Variants in SKAP2 observed in about 807,000 individuals in gnomAD.
The protein encoded by SKAP2 is src kinase associated phosphoprotein 2.
SKAP2 carries 28 observed loss-of-function variants against 54.9 expected under a neutral mutation model. That is an observed-to-expected ratio of 0.51 (90% CI 0.38 to 0.70). The LOEUF (loss-of-function observed/expected upper bound fraction) is 0.70. Among genes scored for constraint, SKAP2 ranks in the 30% least tolerant of loss-of-function variants. The pLI, the probability that SKAP2 is intolerant of heterozygous loss-of-function variation, is 0.00. For synonymous variants in SKAP2, 137 were observed against 134.3 expected (o/e 1.02, Z -0.14); for missense variants, 356 against 424.1 (o/e 0.84, Z 1.41).
chr7:26,802,710 G>A lies in SKAP2; in HGVS notation c.307+41320C>T, dbSNP rs182888886. ...ATCCTGGCCAACATGGTGAAACCCA[G>A]TCTCTACTAAAAATACAAAAATTAG... On this transcript the variant is annotated intron_variant, in intron 4 of 12. Coordinates refer to ENST00000345317, the MANE Select transcript of SKAP2 (RefSeq NM_003930.5). Among the ~76,000 whole-genome samples, 303 of 152,030 alleles carry A rather than the reference G, an allele frequency of 2.0e-3. 2 individuals are homozygous for A. Among genetic ancestry groups the A allele is most frequent in the African/African-American group, 7.0e-3 (292 of 41,516 alleles).
chr7:26,683,372 C>A (rs1271414859), intron 11 of SKAP2, among the ~76,000 whole-genome samples: 1 of 152,122 alleles, frequency 6.6e-6, no homozygotes, highest in East Asian at 1.9e-4. Context: ...CTGGGAACAA[C>A]AGTAACAAAA....
At chr7:26,789,646 T>C (rs1454805792) in intron 4 of SKAP2, among the ~76,000 whole-genome samples, 6 of 152,224 alleles carry the variant, frequency 3.9e-5, no homozygotes, top group Admixed American at 6.5e-5. Context: ...TTGGTCATCA[T>C]AGGCCGCCAA....
intron 9 of SKAP2, among the ~76,000 whole-genome samples, chr7:26,720,386 TAAAG>T (rs1365889208): frequency 6.6e-6 from 1 of 152,106 alleles, no homozygotes; most frequent in Non-Finnish European, 1.5e-5. Flanking sequence ...TGAAACAACA[TAAAG>T]AATACTATGA....
At chr7:26,787,776 C>A (rs879153638) in intron 4 of SKAP2, among the ~76,000 whole-genome samples, 1 of 152,192 alleles carries the variant, frequency 6.6e-6, no homozygotes, top group African/African-American at 2.4e-5. Flanking sequence ...ATTGCAGGGA[C>A]AGCACCAAGC....
intron 6 of SKAP2, among the ~76,000 whole-genome samples, 173 bp from the exon 7 acceptor site, chr7:26,727,179 A>T (rs145637587): frequency 6.6e-6 from 1 of 152,232 alleles, no homozygotes; most frequent in East Asian, 1.9e-4. Flanking sequence ...TGAAACATGG[A>T]AGTATTAGGG....
At chr7:26,790,647 G>T (rs2127981423) in intron 4 of SKAP2, among the ~76,000 whole-genome samples, 1 of 152,252 alleles carries the variant, frequency 6.6e-6, no homozygotes, top group Non-Finnish European at 1.5e-5. Flanking sequence ...TTTCATACTT[G>T]CTTTTGAAAC....
chr7:26,765,754 G>T (rs1357827928), intron 4 of SKAP2, among the ~76,000 whole-genome samples: 1 of 152,120 alleles, frequency 6.6e-6, no homozygotes, highest in Non-Finnish European at 1.5e-5. Flanking sequence ...GTTTTTGTCA[G>T]GTTTGTCAAA....
intron 4 of SKAP2, among the ~76,000 whole-genome samples, chr7:26,830,999 T>C (rs1438450744): frequency 2.6e-5 from 4 of 152,190 alleles, no homozygotes; most frequent in African/African-American, 9.6e-5. Flanking sequence ...AGTTCTTGAA[T>C]GAGAATTATG....
chr7:26,708,583 TA>T (rs1382147206), intron 9 of SKAP2, among the ~76,000 whole-genome samples: 1 of 152,164 alleles, frequency 6.6e-6, no homozygotes, highest in African/African-American at 2.4e-5. Context: ...TCCCCAACCT[TA>T]ATCCTTTTAC....
chr7:26,807,721 A>C (rs1047454882), intron 4 of SKAP2, among the ~76,000 whole-genome samples: 9 of 152,268 alleles, frequency 5.9e-5, no homozygotes, highest in African/African-American at 1.7e-4. Context: ...CAATGTGGCA[A>C]AACTCACTGT....
intron 4 of SKAP2, among the ~76,000 whole-genome samples, chr7:26,806,967 A>C (rs888889760): frequency 2.0e-5 from 3 of 152,226 alleles, no homozygotes; most frequent in African/African-American, 7.2e-5. Flanking sequence ...GAGGTTCAGG[A>C]CTTCAGTGGA....
At chr7:26,692,185 G>A (rs1035161749) in intron 9 of SKAP2, among the ~76,000 whole-genome samples, 1 of 140,270 alleles carries the variant, frequency 7.1e-6, no homozygotes, top group African/African-American at 3.0e-5. Flanking sequence ...CCTGAATGTG[G>A]AGGAATGAGG....
intron 9 of SKAP2, among the ~76,000 whole-genome samples, chr7:26,691,162 C>T (rs1786771619): frequency 6.6e-6 from 1 of 152,104 alleles, no homozygotes; most frequent in African/African-American, 2.4e-5. Context: ...TGTTCTTTAT[C>T]CTACATATAA....
the SKAP2 span, among the ~76,000 whole-genome samples, chr7:26,658,848 A>G: frequency 5.5e-5 from 8 of 145,370 alleles, no homozygotes; most frequent in African/African-American, 1.7e-4. Context: ...ACCAACTCCA[A>G]GTAGGAACAG....
chr7:26,834,811 C>G (rs181662960), intron 4 of SKAP2, among the ~76,000 whole-genome samples: 96 of 152,134 alleles, frequency 6.3e-4, no homozygotes, highest in African/African-American at 2.2e-3. Context: ...TTCCAAACAA[C>G]AGAAAAAGAG....
intron 4 of SKAP2, among the ~76,000 whole-genome samples, chr7:26,822,744 G>A (rs954314385): frequency 9.2e-5 from 14 of 151,942 alleles, no homozygotes; most frequent in East Asian, 5.8e-4. Flanking sequence ...TTAGCCAGGC[G>A]TGGTGGCGGG....
At chr7:26,704,703 C>G (rs1297887835) in intron 9 of SKAP2, among the ~76,000 whole-genome samples, 1 of 152,128 alleles carries the variant, frequency 6.6e-6, no homozygotes, top group Non-Finnish European at 1.5e-5. Context: ...CCAAAAGAAG[C>G]AAGGTAGAAC....
intron 1 of SKAP2, 28 bp downstream of exon 1, chr7:26,864,334 AG>A: frequency 6.2e-7 from 1 of 1,613,414 alleles, no homozygotes; most frequent in East Asian, 2.2e-5. Context: ...CCGCCCCGAC[AG>A]CATTATCGCC....
intron 4 of SKAP2, among the ~76,000 whole-genome samples, chr7:26,759,130 C>T (rs1782867416): frequency 6.6e-6 from 1 of 152,068 alleles, no homozygotes; most frequent in Non-Finnish European, 1.5e-5. Flanking sequence ...CCAAATTCCA[C>T]CTGGGGAAAT....
Sources: gnomAD v4.1 joint callset for allele counts (sites outside exome capture counted in the v4.1 genomes callset) on GRCh38, gnomAD v4.1.1 for gene constraint, MANE v1.5 for transcripts, NCBI Gene and HGNC (gene_info 2026-07-23, HGNC 2026-07-21) for gene names.